Variants in CLEC3B observed in about 807,000 individuals in gnomAD.
CLEC3B encodes the protein C-type lectin domain family 3 member B.
Under a neutral mutation model 15.4 loss-of-function variants are expected in CLEC3B, and 13 were observed. The ratio of observed to expected loss-of-function variants is 0.84; its 90% CI spans 0.55 to 1.34. The LOEUF (loss-of-function observed/expected upper bound fraction) is 1.34, where lower values mean the gene tolerates loss of function less well. Among genes scored for constraint, CLEC3B ranks in the 40% most tolerant of loss-of-function variants. The pLI is 0.00. For missense variants in CLEC3B, 242 were observed against 268.6 expected (o/e 0.90, Z 0.69); for synonymous variants, 112 against 114.7 (o/e 0.98, Z 0.15).
chr3:45,035,514 C>T lies in CLEC3B; in HGVS notation c.209-10C>T. On this transcript the variant is annotated splice_polypyrimidine_tract_variant and intron_variant, in intron 2 of 2. Transcript: ENST00000296130. ...GACCTTCGGTGACAGCCATTTCTCC[C>T]CACTCCCAGTCTGCCTGAAGGGGAC... 1 of 1,577,834 alleles carries T rather than the reference C, an allele frequency of 6.3e-7. No homozygotes were observed. Among genetic ancestry groups the T allele is most frequent in the Non-Finnish European group, 8.6e-7 (1 of 1,157,658 alleles).
At position 45,035,765 on chromosome 3, in the gene CLEC3B, C is replaced by T; in HGVS notation, c.450C>T (p.Ala150=). 1 of 1,613,726 alleles carries T rather than the reference C, an allele frequency of 6.2e-7. No homozygotes were observed. The highest frequency in any genetic ancestry group is 8.5e-7 in the Non-Finnish European group (1 of 1,179,982). The change falls in exon 3 of 3, where the codon GCC becomes GCT. Residue 150 remains alanine, a synonymous_variant. Transcript: ENST00000296130. The stretch of plus-strand genomic sequence containing the variant: ...GCACCTGGGTGGACATGACCGGCGC[C>T]CGCATCGCCTACAAGAACTGGGAGA... The part of the protein sequence containing the change: ...AEGTWVDMTG[A]RIAYKNWETE...
At position 45,026,551 on chromosome 3, in the gene CLEC3B, C is replaced by T. The variant is rs1184254998; in HGVS notation, c.109+80C>T. The T allele has an allele frequency of 8.7e-6, 11 of 1,266,434 alleles. No individual in the cohort carries two copies. The Admixed American group carries it at 1.9e-4, about 22-fold the overall frequency. 78.4% of individuals were successfully genotyped at this position (1,266,434 alleles called of 1,614,324 possible). On this transcript the variant is annotated intron_variant, in intron 1 of 2. Coordinates refer to ENST00000296130, the MANE Select transcript of CLEC3B (RefSeq NM_003278.3). ...CTTAGTGTGTCCTCATGCTCCTTTC[C>T]TTCATTTTCCTCCTTTTGAGTCATC...
chr3:45,028,240 T>A (rs1697510539), intron 1 of CLEC3B, among the ~76,000 whole-genome samples: 2 of 152,178 alleles, frequency 1.3e-5, no homozygotes, highest in Admixed American at 1.3e-4. Flanking sequence ...GGCATCAACA[T>A]CATCTGGGAG....
chr3:45,032,013 C>T (rs1008377526), intron 2 of CLEC3B, among the ~76,000 whole-genome samples: 2 of 152,048 alleles, frequency 1.3e-5, no homozygotes, highest in African/African-American at 4.8e-5. Flanking sequence ...TTATTTTCCA[C>T]CGAGAAGGAC....
chr3:45,029,736 T>G (rs77356307), intron 1 of CLEC3B, among the ~76,000 whole-genome samples: 1 of 152,300 alleles, frequency 6.6e-6, no homozygotes, highest in South Asian at 2.1e-4. Flanking sequence ...CAGCCTTTCC[T>G]GAAGCCCTGG....
At chr3:45,034,553 T>C (rs897291318) in intron 2 of CLEC3B, 1 of 152,188 alleles carries the variant, frequency 6.6e-6, no homozygotes, top group Admixed American at 6.5e-5. Flanking sequence ...TAGTAAAAGG[T>C]GAACGATTTA....
At chr3:45,030,506 T>G (rs1033902913) in intron 1 of CLEC3B, among the ~76,000 whole-genome samples, 1 of 152,178 alleles carries the variant, frequency 6.6e-6, no homozygotes, top group Non-Finnish European at 1.5e-5. Flanking sequence ...TGTTCTTCCC[T>G]GGAGCTGAAA....
chr3:45,035,896 C>G lies in CLEC3B; in HGVS notation c.581C>G (p.Pro194Arg). The G allele has an allele frequency of 6.2e-7, 1 of 1,604,670 alleles. No homozygotes were observed. Among genetic ancestry groups the G allele is most frequent in the African/African-American group, 1.3e-5 (1 of 74,952 alleles). Residue 194 changes from proline to arginine, a missense_variant, in exon 3 of 3, where the codon CCC becomes CGC. Transcript: ENST00000296130. The part of the protein sequence containing the change: ...WFDKRCRDQL[P>R]YICQFGIV ...GACAAGCGCTGCCGCGATCAGCTGCCCTACATCTGCCAGTTCGGGATCGTG... is the reference window on the plus strand; with the variant it reads ...GACAAGCGCTGCCGCGATCAGCTGCGCTACATCTGCCAGTTCGGGATCGTG...
At chr3:45,034,805 C>T (rs1247380760) in intron 2 of CLEC3B, among the ~76,000 whole-genome samples, 5 of 152,210 alleles carry the variant, frequency 3.3e-5, no homozygotes. Flanking sequence ...CTTGCAGTCT[C>T]AGCTCTATCC....
In CLEC3B at chr3:45,030,845, T is replaced by C; in HGVS notation, c.128T>C (p.Met43Thr). ...NAKKDVVNTK[M>T]FEELKSRLDT... Reference sequence around the variant, plus strand: ...GCTTCAGATGTTGTGAACACAAAGATGTTTGAGGAGCTCAAGAGCCGTCTG... The same window carrying C: ...GCTTCAGATGTTGTGAACACAAAGACGTTTGAGGAGCTCAAGAGCCGTCTG... The change falls in exon 2 of 3, where the codon ATG becomes ACG. Residue 43 changes from methionine (M) to threonine (T), a missense_variant. Met to Thr is a moderately conservative substitution (Grantham distance 81). Coordinates refer to ENST00000296130, the MANE Select transcript of CLEC3B (RefSeq NM_003278.3). 1 of 1,593,318 alleles carries C rather than the reference T, an allele frequency of 6.3e-7. No individual in the cohort carries two copies. Among genetic ancestry groups the C allele is most frequent in the Non-Finnish European group, 8.5e-7 (1 of 1,169,696 alleles).
At chr3:45,035,210 C>A (rs1374224676) in intron 2 of CLEC3B, among the ~76,000 whole-genome samples, 1 of 152,190 alleles carries the variant, frequency 6.6e-6, no homozygotes, top group African/African-American at 2.4e-5. Flanking sequence ...CCAGAAATGA[C>A]TGAGGTGGAG....
At chr3:45,026,536 C>T (rs1178686395) in intron 1 of CLEC3B, 65 bp downstream of exon 1, 13 of 1,363,042 alleles carry the variant, frequency 9.5e-6, no homozygotes, top group Non-Finnish European at 1.3e-5. Flanking sequence ...CTTAGTGTGT[C>T]CTCATGCTCC....
intron 2 of CLEC3B, among the ~76,000 whole-genome samples, chr3:45,033,760 C>G (rs187941548): frequency 6.6e-6 from 1 of 152,266 alleles, no homozygotes; most frequent in Non-Finnish European, 1.5e-5. Flanking sequence ...GATAGTATCA[C>G]GAGAAGTAGC....
At chr3:45,030,015 C>A in intron 1 of CLEC3B, 1 of 263,570 alleles carries the variant, frequency 3.8e-6, no homozygotes, top group Non-Finnish European at 5.9e-6. Flanking sequence ...CCATCCTCGG[C>A]CAGTTGGTTT....
At chr3:45,035,046 A>C (rs1697618005) in intron 2 of CLEC3B, among the ~76,000 whole-genome samples, 1 of 152,226 alleles carries the variant, frequency 6.6e-6, no homozygotes, top group Non-Finnish European at 1.5e-5. Context: ...CTCCCTGGGA[A>C]GCTGACTCTG....
At chr3:45,031,101 C>T (rs1029028247) in intron 2 of CLEC3B, among the ~76,000 whole-genome samples, 176 bp downstream of exon 2, 2 of 152,240 alleles carry the variant, frequency 1.3e-5, no homozygotes, top group Admixed American at 1.3e-4. Context: ...TGGGGAGATC[C>T]CCTGACACGT....
At chr3:45,029,362 T>G (rs9880877) in intron 1 of CLEC3B, among the ~76,000 whole-genome samples, 72,149 of 152,136 alleles carry the variant, frequency 0.47, 17,783 homozygotes, top group East Asian at 0.84. Flanking sequence ...AATGCCCTTC[T>G]TCAGTGCCCC....
At chr3:45,035,404 T>C (rs1697623863) in intron 2 of CLEC3B, 120 bp from the exon 3 acceptor site, 1 of 1,359,544 alleles carries the variant, frequency 7.4e-7, no homozygotes, top group Non-Finnish European at 9.9e-7. Flanking sequence ...TCTAAGGGGC[T>C]GTCAGGACTG....
intron 2 of CLEC3B, among the ~76,000 whole-genome samples, chr3:45,033,387 AAC>A (rs1697591922): frequency 6.6e-6 from 1 of 152,176 alleles, no homozygotes; most frequent in African/African-American, 2.4e-5. Context: ...TTGTCCTCAC[AAC>A]CCAAAGATCA....
Sources: gnomAD v4.1 joint callset for allele counts (sites outside exome capture counted in the v4.1 genomes callset) on GRCh38, gnomAD v4.1.1 for gene constraint, MANE v1.5 for transcripts, NCBI Gene and HGNC (gene_info 2026-07-23, HGNC 2026-07-21) for gene names.